The following ABR variants were observed in gnomAD, a reference collection of about 807,000 sequenced individuals.
ABR encodes the protein ABR activator of RhoGEF and GTPase, also known as active breakpoint cluster region-related protein.
Under a neutral mutation model 107.2 loss-of-function variants are expected in ABR, and 35 were observed. The observed-to-expected ratio is 0.33, with a 90% CI of 0.25 to 0.43. The LOEUF is 0.43. ABR is among the 20% of genes least tolerant of loss of function. ABR has a pLI of 1.00. For missense variants in ABR, 815 were observed against 1,115.2 expected (o/e 0.73, Z 3.83); for synonymous variants, 498 against 462.0 (o/e 1.08, Z -1.00).
Position 1,078,582 on chromosome 17 carries a change from C to A in ABR, c.700+748G>T, listed in dbSNP as rs556754363. On this transcript the variant is annotated intron_variant, in intron 6 of 22. Transcript: ENST00000302538. This position sits in a 1 kb window ranked among gnomAD's most constrained non-coding sequence, Gnocchi z 7.5. ...ATTCCCCACCGATCCTCGGGGCCAC[C>A]TGGACCCCTCCAGCCTGGTCCTTCC... is the stretch of plus-strand genomic sequence containing the variant. Among the ~76,000 whole-genome samples the A allele has an allele frequency of 6.6e-6, 1 of 152,310 alleles. No individual in the cohort carries two copies. Among genetic ancestry groups the A allele is most frequent in the East Asian group, 1.9e-4 (1 of 5,158 alleles).
At chr17:1,108,368 C>G (rs1456541469) in intron 2 of ABR, among the ~76,000 whole-genome samples, 1 of 152,136 alleles carries the variant, frequency 6.6e-6, no homozygotes, top group Non-Finnish European at 1.5e-5. Context: ...AGCCCCAGAG[C>G]GGGTGGGCCA....
intron 1 of ABR, among the ~76,000 whole-genome samples, chr17:1,139,051 A>G (rs1429140075): frequency 6.6e-6 from 1 of 152,236 alleles, no homozygotes; most frequent in Non-Finnish European, 1.5e-5. Flanking sequence ...AAATCCAGAC[A>G]TTTGTAAACA....
At chr17:1,052,036 T>G (rs2031757888) in intron 14 of ABR, among the ~76,000 whole-genome samples, 1 of 150,630 alleles carries the variant, frequency 6.6e-6, no homozygotes. Flanking sequence ...ATGGCACCAC[T>G]GCACTCCAGC....
At chr17:1,063,541 G>A (rs2034308495) in intron 10 of ABR, among the ~76,000 whole-genome samples, 1 of 141,596 alleles carries the variant, frequency 7.1e-6, no homozygotes, top group Non-Finnish European at 1.6e-5. Context: ...TGAGGGCTAT[G>A]CATGTTCCTC....
chr17:1,012,906 C>T, intron 17 of ABR, 109 bp from the exon 18 acceptor site: 1 of 1,096,660 alleles, frequency 9.1e-7, no homozygotes, highest in Non-Finnish European at 1.4e-6. Flanking sequence ...GGCTAGCTCA[C>T]ACCCAGGTCT....
chr17:1,031,803 G>A (rs2072801467), intron 16 of ABR: 1 of 1,229,250 alleles, frequency 8.1e-7, no homozygotes, highest in Non-Finnish European at 1.0e-6. Flanking sequence ...AGTCCCGGCT[G>A]CCAGTCCCGC....
At position 1,051,665 on chromosome 17, in the gene ABR, T is replaced by C. The variant is rs1364001074; in HGVS notation, c.1562-1031A>G. On this transcript the variant is annotated intron_variant, in intron 14 of 22. Transcript: ENST00000302538. The surrounding 1 kb of genome is among the most constrained non-coding windows in gnomAD (Gnocchi z 4.3). Reference sequence around the variant, plus strand: ...TGTGGGAGGTGCCTTTGGGACACTATGGCCAACCCTCTGCAGCGTGAAACA... The same window carrying C: ...TGTGGGAGGTGCCTTTGGGACACTACGGCCAACCCTCTGCAGCGTGAAACA... 6.6e-6 allele frequency among the ~76,000 whole-genome samples: 1 copy of C among 152,338 alleles called. No individual in the cohort carries two copies. Among genetic ancestry groups the C allele is most frequent in the Middle Eastern group, 3.4e-3 (1 of 294 alleles).
upstream of ABR, among the ~76,000 whole-genome samples, chr17:1,181,058 G>A (rs1299557189): frequency 6.6e-6 from 1 of 152,152 alleles, no homozygotes; most frequent in Non-Finnish European, 1.5e-5. Context: ...CCATCCCCAG[G>A]CAGCTTAAGG....
intron 1 of ABR, among the ~76,000 whole-genome samples, chr17:1,208,034 G>A (rs1348068439): frequency 6.6e-6 from 1 of 152,190 alleles, no homozygotes; most frequent in East Asian, 1.9e-4. Flanking sequence ...GCCTCCCAAA[G>A]TGCTGGGATT....
chr17:1,108,598 T>C (rs1275381972), intron 2 of ABR, among the ~76,000 whole-genome samples: 1 of 152,236 alleles, frequency 6.6e-6, no homozygotes. Flanking sequence ...GGGTGGCCCC[T>C]CTCTTGCGGT....
intron 1 of ABR, among the ~76,000 whole-genome samples, chr17:1,176,760 C>A (rs950936018): frequency 2.0e-5 from 3 of 151,934 alleles, no homozygotes; most frequent in Non-Finnish European, 4.4e-5. Context: ...GGCAGGGGAA[C>A]TGCTTGAATC....
chr17:1,174,126 G>C (rs1405676243), intron 1 of ABR, among the ~76,000 whole-genome samples: 1 of 152,088 alleles, frequency 6.6e-6, no homozygotes, highest in East Asian at 1.9e-4. Flanking sequence ...CCTCCTAACA[G>C]CATCTTCCAG....
chr17:1,004,468 C>G lies in ABR; in HGVS notation c.*1612G>C, dbSNP rs1029450431. The stretch of plus-strand genomic sequence containing the variant: ...GCACAAGCAATGGGAACTGAGCTCC[C>G]CAGCCCTGAGGGCCCGGAAACGACG... On this transcript the variant is annotated 3_prime_UTR_variant, in exon 23 of 23. Coordinates refer to ENST00000302538, the MANE Select transcript of ABR (RefSeq NM_021962.5). The G allele has an allele frequency of 9.8e-5, 15 of 152,560 alleles. No individual in the cohort carries two copies. Among genetic ancestry groups the G allele is most frequent in the African/African-American group, 3.6e-4 (15 of 41,470 alleles). 9.5% of individuals were successfully genotyped at this position (152,560 alleles called of 1,614,324 possible). A position where few individuals can be genotyped will look rare whatever the true frequency, so the allele number is the denominator to read the frequency against.
At chr17:1,167,907 C>G (rs1363084218) in intron 1 of ABR, among the ~76,000 whole-genome samples, 2 of 152,174 alleles carry the variant, frequency 1.3e-5, no homozygotes, top group African/African-American at 4.8e-5. Context: ...AATCCCAGCA[C>G]TTTGGGAGGC....
At chr17:1,208,170 A>G (rs1459101174) in intron 1 of ABR, among the ~76,000 whole-genome samples, 2 of 152,140 alleles carry the variant, frequency 1.3e-5, no homozygotes, top group Non-Finnish European at 2.9e-5. Context: ...GTGTTTATAA[A>G]AGAGAAGTTG....
At chr17:1,147,876 C>T (rs951421092) in intron 1 of ABR, among the ~76,000 whole-genome samples, 5 of 152,210 alleles carry the variant, frequency 3.3e-5, no homozygotes, top group African/African-American at 1.2e-4. Flanking sequence ...AAGCAGAAAC[C>T]CAGCACCCTC....
chr17:1,084,857 G>A lies in ABR; in HGVS notation c.532-1230C>T, dbSNP rs2036486743. ...GAGTTTCGCTCTTGTTGCCCAGGCT[G>A]CAGTACAGTGGTGCGATCTCGGCTC... On this transcript the variant is annotated intron_variant, in intron 4 of 22. Coordinates refer to ENST00000302538, the MANE Select transcript of ABR (RefSeq NM_021962.5). This position sits in a 1 kb window ranked among gnomAD's most constrained non-coding sequence, Gnocchi z 4.2. Among the ~76,000 whole-genome samples the A allele has an allele frequency of 6.6e-6, 1 of 152,204 alleles. No homozygotes were observed. The highest frequency in any genetic ancestry group is 2.4e-5 in the African/African-American group (1 of 41,452).
chr17:1,011,009 T>C lies in ABR; in HGVS notation c.2102-146A>G. Reference sequence around the variant, plus strand: ...GCAGGATGTAGAGAGGGCCCACAGGTGTCTGTGACTCGGCTCTGTGGGTCG... The same window carrying C: ...GCAGGATGTAGAGAGGGCCCACAGGCGTCTGTGACTCGGCTCTGTGGGTCG... On this transcript the variant is annotated intron_variant, in intron 19 of 22. Transcript: ENST00000302538. The surrounding 1 kb of genome is among the most constrained non-coding windows in gnomAD (Gnocchi z 4.8). 1 of 1,050,198 alleles carries C rather than the reference T, an allele frequency of 9.5e-7. No individual in the cohort carries two copies. The highest frequency in any genetic ancestry group is 1.4e-6 in the Non-Finnish European group (1 of 722,952). 65.1% of individuals were successfully genotyped at this position (1,050,198 alleles called of 1,614,324 possible). A position where few individuals can be genotyped will look rare whatever the true frequency, so the allele number is the denominator to read the frequency against.
chr17:1,021,598 G>T (rs149244417), intron 16 of ABR, among the ~76,000 whole-genome samples: 1,523 of 152,034 alleles, frequency 0.01, 24 homozygotes, highest in African/African-American at 0.032. Flanking sequence ...AAGGTCAGGA[G>T]ATCGAGACCA....
Sources: allele counts gnomAD v4.1 joint callset (sites outside exome capture counted in the v4.1 genomes callset), GRCh38; gene constraint gnomAD v4.1.1; non-coding constraint Gnocchi (gnomAD v3.1); transcripts MANE v1.5; gene names NCBI Gene and HGNC (gene_info 2026-07-23, HGNC 2026-07-21).